Variants in POGZ observed in about 807,000 individuals in gnomAD.
POGZ encodes pogo transposable element with ZNF domain.
A neutral mutation model predicts 134.6 loss-of-function variants in POGZ; 17 were observed. The ratio of observed to expected loss-of-function variants is 0.13; its 90% CI spans 0.09 to 0.19. The LOEUF is 0.19. Ranked by LOEUF, POGZ falls within the 10% of genes least tolerant of loss-of-function variation. The pLI, the probability that POGZ is intolerant of heterozygous loss-of-function variation, is 1.00. For synonymous variants in POGZ, 693 were observed against 657.1 expected, an observed-to-expected ratio of 1.05 and a Z score of -0.84; for missense variants, 1,306 against 1,769.7, an observed-to-expected ratio of 0.74 and a Z score of 4.70.
intron 10 of POGZ, among the ~76,000 whole-genome samples, chr1:151,415,996 C>A (rs1192012851): frequency 6.6e-6 from 1 of 151,400 alleles, no homozygotes; most frequent in Non-Finnish European, 1.5e-5. Context: ...GGCGGATCAT[C>A]TGAAGTCAGG....
At chr1:151,435,820 A>C (rs1043949797) in intron 3 of POGZ, among the ~76,000 whole-genome samples, 1 of 151,996 alleles carries the variant, frequency 6.6e-6, no homozygotes, top group Non-Finnish European at 1.5e-5. Flanking sequence ...AACAAAACAC[A>C]CACAAAAAAC....
chr1:151,405,296 T>C lies in POGZ; in HGVS notation c.3739A>G (p.Ser1247Gly). ...GCTGGGACCACTGCAGGCAAAGTGC[T>C]AGAGGCACTAAGCATAGCCAGTACC... ...EEVLAMLSAS[S>G]TLPAVVPAGC... The change falls in exon 19 of 19, where the codon AGC (serine) becomes GGC (glycine). Residue 1247 changes from serine (S) to glycine (G), a missense_variant. Ser to Gly is a moderately conservative substitution (Grantham distance 56). Transcript: ENST00000271715. The surrounding 1 kb of genome is among the most constrained non-coding windows in gnomAD (Gnocchi z 4.9). The C allele has an allele frequency of 6.2e-7, 1 of 1,614,200 alleles. No individual in the cohort carries two copies. Among genetic ancestry groups the C allele is most frequent in the Non-Finnish European group, 8.5e-7 (1 of 1,179,992 alleles).
In POGZ at chr1:151,441,089, G is replaced by A. The variant is rs1660455560; in HGVS notation, c.125-3C>T. The A allele has an allele frequency of 3.7e-6, 6 of 1,612,716 alleles. No individual in the cohort carries two copies. Among genetic ancestry groups the A allele is most frequent in the Non-Finnish European group, 5.1e-6 (6 of 1,179,178 alleles). On this transcript the variant is annotated splice_region_variant and splice_polypyrimidine_tract_variant and intron_variant, in intron 2 of 18. Coordinates refer to ENST00000271715, the MANE Select transcript of POGZ (RefSeq NM_015100.4). ...GACTGGCTGCTGGCTCACAGAAACT[G>A]TGGGGAAGGGGAGGCATAGTCACTT...
intron 12 of POGZ, among the ~76,000 whole-genome samples, chr1:151,411,146 A>T (rs568854963): frequency 9.8e-5 from 15 of 152,316 alleles, no homozygotes; most frequent in South Asian, 2.1e-4. Flanking sequence ...AATTCTTTTC[A>T]TGGCTTAAAA....
chr1:151,416,926 C>T (rs1291358179), intron 10 of POGZ, among the ~76,000 whole-genome samples: 2 of 151,962 alleles, frequency 1.3e-5, no homozygotes, highest in African/African-American at 4.8e-5. Flanking sequence ...GTCACCATGC[C>T]TTGGCCTGTA....
chr1:151,435,659 A>T (rs557226602), intron 3 of POGZ, among the ~76,000 whole-genome samples: 1 of 151,426 alleles, frequency 6.6e-6, no homozygotes, highest in Admixed American at 6.6e-5. Flanking sequence ...CACTCGCCTA[A>T]TTTTTTTGTA....
chr1:151,442,886 G>A (rs1452118530), intron 1 of POGZ, among the ~76,000 whole-genome samples: 3 of 151,056 alleles, frequency 2.0e-5, no homozygotes, highest in African/African-American at 4.9e-5. Context: ...ACAATTAGCC[G>A]GGCACGCTGG....
chr1:151,413,697 T>A (rs1344006397), intron 10 of POGZ, among the ~76,000 whole-genome samples: 2 of 152,148 alleles, frequency 1.3e-5, no homozygotes, highest in African/African-American at 4.8e-5. Flanking sequence ...ATTTTTGTTT[T>A]GAGACAGAGT....
rs1439763507 is a variant in POGZ, at chr1:151,406,843, T to C, written c.2545+68A>G. Reference sequence around the variant, plus strand: ...TGAGGCCAAGTAGGTATGCTCCTGATGCATACAGTACGAACCTGTATCTTT... The same window carrying C: ...TGAGGCCAAGTAGGTATGCTCCTGACGCATACAGTACGAACCTGTATCTTT... On this transcript the variant is annotated intron_variant, in intron 17 of 18. Coordinates refer to ENST00000271715, the MANE Select transcript of POGZ (RefSeq NM_015100.4). 1.6e-5 allele frequency: 19 copies of C among 1,181,888 alleles called. No individual in the cohort carries two copies. The East Asian group carries it at 2.1e-4, about 13-fold the overall frequency. The allele number at this position is 1,181,888 out of a possible 1,614,324, so 73.2% of individuals were successfully genotyped here. A position where few individuals can be genotyped will look rare whatever the true frequency, so the allele number is the denominator to read the frequency against.
chr1:151,441,637 T>G (rs960740073), intron 2 of POGZ, among the ~76,000 whole-genome samples: 4 of 152,148 alleles, frequency 2.6e-5, no homozygotes, highest in African/African-American at 4.8e-5. Flanking sequence ...ATTTGTAAAC[T>G]GTCCATGAAG....
chr1:151,430,571 CACTTCTAATG>C, intron 4 of POGZ, 85 bp downstream of exon 4: 1 of 893,114 alleles, frequency 1.1e-6, no homozygotes, highest in East Asian at 2.8e-5. Context: ...GACTTAGAAC[CACTTCTAATG>C]ACGCCAAAGA....
Position 151,405,181 on chromosome 1 carries a change from C to T in POGZ, c.3854G>A (p.Arg1285Gln), listed in dbSNP as rs746127698. The change falls in exon 19 of 19, where the codon CGG becomes CAG. Residue 1285 changes from arginine (R) to glutamine (Q), a missense_variant. Coordinates refer to ENST00000271715, the MANE Select transcript of POGZ (RefSeq NM_015100.4). The surrounding 1 kb of genome is among the most constrained non-coding windows in gnomAD (Gnocchi z 4.9). ...ATCACATGCAGTATCTGCCATTTCCCGAGCCTGTTCCTTCCATTTTTTATG... is the reference window on the plus strand; with the variant it reads ...ATCACATGCAGTATCTGCCATTTCCTGAGCCTGTTCCTTCCATTTTTTATG... ...FLHKKWKEQA[R>Q]EMADTACDSD... 1.4e-5 allele frequency: 23 copies of T among 1,614,060 alleles called. No homozygotes were observed. Among genetic ancestry groups the T allele is most frequent in the Non-Finnish European group, 1.8e-5 (21 of 1,180,022 alleles).
In POGZ at chr1:151,406,470, G is replaced by A. The variant is rs757425765; in HGVS notation, c.2571-6C>T. 17 of 1,555,718 alleles carry A rather than the reference G, an allele frequency of 1.1e-5. No homozygotes were observed. The African/African-American group carries it at 2.3e-4, about 21-fold the overall frequency. ...GGTCACGAGTCTGGCCATGCCTAAA[G>A]GGGTGAGGAGCAAAGAGAAGAGGAG... On this transcript the variant is annotated splice_polypyrimidine_tract_variant and splice_region_variant and intron_variant, in intron 18 of 18. Coordinates refer to ENST00000271715, the MANE Select transcript of POGZ (RefSeq NM_015100.4).
intron 3 of POGZ, 49 bp downstream of exon 3, chr1:151,440,879 C>G: frequency 6.5e-7 from 1 of 1,541,182 alleles, no homozygotes; most frequent in Non-Finnish European, 8.9e-7. Context: ...CTTTTTTATT[C>G]TTTCACCCCT....
intron 1 of POGZ, among the ~76,000 whole-genome samples, chr1:151,444,263 C>T (rs1188196096): frequency 6.6e-6 from 1 of 152,086 alleles, no homozygotes; most frequent in Non-Finnish European, 1.5e-5. Flanking sequence ...TATTTTCAGG[C>T]TTAATTATAT....
Position 151,428,367 on chromosome 1 carries a change from C to T in POGZ, c.615G>A (p.Val205=). The change falls in exon 6 of 19, where the codon GTG becomes GTA. Residue 205 remains valine (V), a synonymous_variant. Transcript: ENST00000271715. Reference sequence around the variant, plus strand: ...GCCTCACAGGGGTCATCTGGGAGAACACTTGTGGAACTCCAACTGTCGGCT... The same window carrying T: ...GCCTCACAGGGGTCATCTGGGAGAATACTTGTGGAACTCCAACTGTCGGCT... ...FVKPTVGVPQ[V]FSQMTPVRPG... is the part of the protein sequence containing the mutation. 1 of 1,613,888 alleles carries T rather than the reference C, an allele frequency of 6.2e-7. No homozygotes were observed. Among genetic ancestry groups the T allele is most frequent in the Non-Finnish European group, 8.5e-7 (1 of 1,179,782 alleles).
intron 8 of POGZ, 119 bp from the exon 9 acceptor site, chr1:151,424,405 A>C: frequency 1.6e-6 from 1 of 643,154 alleles, no homozygotes; most frequent in Non-Finnish European, 2.6e-6. Context: ...TTCAGCTTTC[A>C]CCCTTCAGTT....
intron 3 of POGZ, among the ~76,000 whole-genome samples, chr1:151,437,589 T>C (rs1446361882): frequency 6.6e-6 from 1 of 151,910 alleles, no homozygotes; most frequent in African/African-American, 2.4e-5. Flanking sequence ...CCATCTCTAC[T>C]AAAAATACAG....
At chr1:151,421,102 A>C (rs1656830166) in intron 10 of POGZ, among the ~76,000 whole-genome samples, 1 of 151,674 alleles carries the variant, frequency 6.6e-6, no homozygotes, top group East Asian at 1.9e-4. Context: ...ATACTGTAAT[A>C]AAAGTTATGT....
Sources: gnomAD v4.1 joint callset for allele counts (sites outside exome capture counted in the v4.1 genomes callset) on GRCh38, gnomAD v4.1.1 for gene constraint, Gnocchi (gnomAD v3.1) non-coding constraint, MANE v1.5 for transcripts, NCBI Gene and HGNC (gene_info 2026-07-23, HGNC 2026-07-21) for gene names.